SMYD2: variants seen among roughly 807,000 people sequenced by gnomAD.
SMYD2 encodes SET and MYND domain containing 2, also known as N-lysine methyltransferase SMYD2.
SMYD2 carries 53 observed loss-of-function variants against 59.1 expected under a neutral mutation model. That is an observed-to-expected ratio of 0.90 (90% CI 0.72 to 1.13). The LOEUF (loss-of-function observed/expected upper bound fraction) is 1.13, where lower values mean the gene tolerates loss of function less well. Among genes scored for constraint, SMYD2 ranks in the 50% most tolerant of loss-of-function variants. The pLI is 0.00. For missense variants in SMYD2, 494 were observed against 544.7 expected, an observed-to-expected ratio of 0.91 and a Z score of 0.93; for synonymous variants, 208 against 198.8, an observed-to-expected ratio of 1.05 and a Z score of -0.39.
intron 2 of SMYD2, among the ~76,000 whole-genome samples, chr1:214,308,634 A>G (rs1296904824): frequency 6.6e-6 from 1 of 152,184 alleles, no homozygotes; most frequent in Non-Finnish European, 1.5e-5. Flanking sequence ...GCTAGTAATT[A>G]ACTGGTCCTT....
At chr1:214,294,157 A>G (rs1656683775) in intron 1 of SMYD2, among the ~76,000 whole-genome samples, 1 of 152,226 alleles carries the variant, frequency 6.6e-6, no homozygotes, top group Non-Finnish European at 1.5e-5. Context: ...TCAGAGAAAT[A>G]CAAATGGAAT....
In SMYD2 at chr1:214,334,004, A is replaced by G. The variant is rs1657397094; in HGVS notation, c.1113-196A>G. 5 of 483,274 alleles carry G rather than the reference A, an allele frequency of 1.0e-5. No homozygotes were observed. In the South Asian group the frequency reaches 1.9e-4, roughly 18 times the overall value. The allele number at this position is 483,274 out of a possible 1,614,324, so 29.9% of individuals were successfully genotyped here. ...TTTCAGAAACACACAAACTACAAAT[A>G]ATGAACAACATCTGCAATGATTCGG... is the stretch of plus-strand genomic sequence containing the variant. On this transcript the variant is annotated intron_variant, in intron 10 of 11. Transcript: ENST00000366957.
intron 1 of SMYD2, among the ~76,000 whole-genome samples, chr1:214,296,228 A>C (rs1168612252): frequency 1.3e-5 from 2 of 152,252 alleles, no homozygotes; most frequent in Admixed American, 1.3e-4. Context: ...TACATTTCTA[A>C]CTTGTTGATC....
intron 1 of SMYD2, among the ~76,000 whole-genome samples, chr1:214,288,503 T>A (rs756624878): frequency 1.3e-5 from 2 of 152,218 alleles, no homozygotes; most frequent in Non-Finnish European, 2.9e-5. Context: ...CCCAGGGACT[T>A]CACCCTACAT....
At chr1:214,288,096 C>T (rs555342919) in intron 1 of SMYD2, among the ~76,000 whole-genome samples, 5 of 152,328 alleles carry the variant, frequency 3.3e-5, no homozygotes, top group African/African-American at 9.6e-5. Flanking sequence ...GAAATTCAAA[C>T]CCTGGTGAGT....
At chr1:214,295,181 C>T (rs1198038831) in intron 1 of SMYD2, among the ~76,000 whole-genome samples, 2 of 152,260 alleles carry the variant, frequency 1.3e-5, no homozygotes, top group East Asian at 1.9e-4. Context: ...TTACTCTGAC[C>T]TTGCACAAAA....
At chr1:214,320,292 CACAT>C (rs1331924456) in intron 5 of SMYD2, among the ~76,000 whole-genome samples, 2 of 152,156 alleles carry the variant, frequency 1.3e-5, no homozygotes, top group African/African-American at 2.4e-5. Flanking sequence ...TACGAAAACA[CACAT>C]ACATAACGTA....
chr1:214,291,968 C>T (rs937859780), intron 1 of SMYD2, among the ~76,000 whole-genome samples: 13 of 152,178 alleles, frequency 8.5e-5, no homozygotes, highest in African/African-American at 3.1e-4. Context: ...AACTTTAAAA[C>T]ATTCAGGTTA....
rs36187427 is a variant in SMYD2, at chr1:214,287,586, CAAAAAAA to C, written c.173+6175_173+6181del. Among the ~76,000 whole-genome samples, 254 of 75,536 alleles carry C rather than the reference CAAAAAAA, an allele frequency of 3.4e-3. 5 individuals are homozygous for C. In the East Asian group the frequency reaches 0.042, roughly 13 times the overall value. The allele number at this position is 75,536 out of a possible 152,430, so 49.6% of individuals were successfully genotyped here. ...TGGGAGACAGAGTTAGACTATGTCT[CAAAAAAA>C]AAAAAAAAAAAAAAAGATGGCCTGT... On this transcript the variant is annotated intron_variant, in intron 1 of 11. Coordinates refer to ENST00000366957, the MANE Select transcript of SMYD2 (RefSeq NM_020197.3).
intron 1 of SMYD2, among the ~76,000 whole-genome samples, chr1:214,304,767 C>T (rs577298223): frequency 6.6e-6 from 1 of 152,122 alleles, no homozygotes; most frequent in Admixed American, 6.5e-5. Context: ...TGGGGTCAAA[C>T]CTTCAATGTG....
At chr1:214,329,316 C>G (rs1412910323) in intron 7 of SMYD2, among the ~76,000 whole-genome samples, 1 of 152,164 alleles carries the variant, frequency 6.6e-6, no homozygotes, top group Non-Finnish European at 1.5e-5. Flanking sequence ...GTGTCCTCCC[C>G]TGCCTGCCTG....
chr1:214,331,275 T>G lies in SMYD2; in HGVS notation c.937+205T>G, dbSNP rs914658556. ...AGTTGTATGATTTTATTTCCCCTTA[T>G]TTTGGCTAGTTTGGCTGGGAGCCCC... On this transcript the variant is annotated intron_variant, in intron 9 of 11. Coordinates refer to ENST00000366957, the MANE Select transcript of SMYD2 (RefSeq NM_020197.3). 6 of 696,246 alleles carry G rather than the reference T, an allele frequency of 8.6e-6. No individual in the cohort carries two copies. In the Admixed American group the frequency reaches 9.7e-5, roughly 11 times the overall value. 43.1% of individuals were successfully genotyped at this position (696,246 alleles called of 1,614,324 possible). A position where few individuals can be genotyped will look rare whatever the true frequency, so the allele number is the denominator to read the frequency against.
intron 10 of SMYD2, 77 bp from the exon 11 acceptor site, chr1:214,334,123 C>T (rs543829479): frequency 7.1e-5 from 96 of 1,361,460 alleles, no homozygotes; most frequent in East Asian, 2.3e-4. Flanking sequence ...TGGCAGCCTC[C>T]GGCTTACTGC....
At chr1:214,322,412 A>G (rs1002789855) in intron 5 of SMYD2, among the ~76,000 whole-genome samples, 1 of 152,212 alleles carries the variant, frequency 6.6e-6, no homozygotes, top group Non-Finnish European at 1.5e-5. Flanking sequence ...GAGTTGGCAC[A>G]AAAAATAATA....
Position 214,293,598 on chromosome 1 carries a change from C to T in SMYD2, c.174-11589C>T, listed in dbSNP as rs148172138. On this transcript the variant is annotated intron_variant, in intron 1 of 11. Coordinates refer to ENST00000366957, the MANE Select transcript of SMYD2 (RefSeq NM_020197.3). ...TAGCTTTCTGCTCTCAGTTCCAGGT[C>T]GTGTGGGCCATTTGGATGCTGAATC... Among the ~76,000 whole-genome samples, 363 of 152,244 alleles carry T rather than the reference C, an allele frequency of 2.4e-3. 1 individual carries two copies. The highest frequency in any genetic ancestry group is 8.4e-3 in the African/African-American group (348 of 41,514).
At chr1:214,281,449 C>CGGCGGCGGCG in intron 1 of SMYD2, 22 bp downstream of exon 1, 1 of 1,372,580 alleles carries the variant, frequency 7.3e-7, no homozygotes, top group South Asian at 1.9e-5. Flanking sequence ...GCGGCGGCGG[C>CGGCGGCGGCG]GGCGGGCGGG....
At chr1:214,333,301 T>G (rs575371303) in intron 10 of SMYD2, 1 of 152,314 alleles carries the variant, frequency 6.6e-6, no homozygotes, top group Admixed American at 6.5e-5. Context: ...AGCCCTGTGG[T>G]TCTCCCAGCA....
intron 1 of SMYD2, among the ~76,000 whole-genome samples, chr1:214,285,736 A>G (rs912643585): frequency 3.3e-5 from 5 of 152,236 alleles, no homozygotes; most frequent in Non-Finnish European, 7.3e-5. Context: ...GATATGTTCC[A>G]AGAACTGCCT....
intron 1 of SMYD2, among the ~76,000 whole-genome samples, chr1:214,289,880 G>T (rs1656609181): frequency 6.6e-6 from 1 of 152,212 alleles, no homozygotes; most frequent in Non-Finnish European, 1.5e-5. Context: ...TCAGGAACTT[G>T]CATTGTTAGC....
Sources: gnomAD v4.1 joint callset for allele counts (sites outside exome capture counted in the v4.1 genomes callset) on GRCh38, gnomAD v4.1.1 for gene constraint, MANE v1.5 for transcripts, NCBI Gene and HGNC (gene_info 2026-07-23, HGNC 2026-07-21) for gene names.